RMDN1: variants seen among roughly 807,000 people sequenced by gnomAD.
The protein encoded by RMDN1 is regulator of microtubule dynamics 1.
Under a neutral mutation model 48.9 loss-of-function variants are expected in RMDN1, and 48 were observed. The ratio of observed to expected loss-of-function variants is 0.98; its 90% confidence interval spans 0.78 to 1.25. The LOEUF (loss-of-function observed/expected upper bound fraction) is 1.25. RMDN1 is among the 50% of genes most tolerant of loss of function. The probability of loss-of-function intolerance (pLI) is 0.00; values close to 1 mark genes in which losing one functional copy is unlikely to be tolerated. For synonymous variants in RMDN1, 148 were observed against 132.6 expected (o/e 1.12, Z -0.80); for missense variants, 418 against 373.4 (o/e 1.12, Z -0.98).
intron 5 of RMDN1, among the ~76,000 whole-genome samples, chr8:86,481,525 G>A (rs1205775930): frequency 1.3e-5 from 2 of 149,956 alleles, no homozygotes; most frequent in African/African-American, 4.9e-5. Context: ...TCATCACAAT[G>A]GATGCCTGGG....
In RMDN1 at chr8:86,480,170, A is replaced by G. The variant is rs142042493; in HGVS notation, c.641+107T>C. ...TTAGCACTCTAAGCTCTGTCAGATA[A>G]TATTTTAAAATATTTAATATCTTTT... On this transcript the variant is annotated intron_variant, in intron 6 of 9. Coordinates refer to ENST00000406452, the MANE Select transcript of RMDN1 (RefSeq NM_016033.3). The G allele has an allele frequency of 4.1e-4, 230 of 562,010 alleles. No individual in the cohort carries two copies. The East Asian group carries it at 7.4e-3, about 18-fold the overall frequency. 34.8% of individuals were successfully genotyped at this position (562,010 alleles called of 1,614,324 possible). A position where few individuals can be genotyped will look rare whatever the true frequency, so the allele number is the denominator to read the frequency against.
At chr8:86,510,469 C>T (rs376515878), upstream of RMDN1, among the ~76,000 whole-genome samples, 13 of 152,172 alleles carry the variant, frequency 8.5e-5, 1 homozygote, top group South Asian at 2.7e-3. Flanking sequence ...TCTTTCACGA[C>T]ATTAGTATTT....
rs764719202 is a variant in RMDN1, at chr8:86,478,906, A to G, written c.729+17T>C. ...GTTAAGAAATCCGTACTAACTTAAC[A>G]AAGGACATCATACTACCTTCTCATA... On this transcript the variant is annotated intron_variant, in intron 7 of 9. Transcript: ENST00000406452. 5 of 1,594,872 alleles carry G rather than the reference A, an allele frequency of 3.1e-6. No homozygotes were observed.
intron 5 of RMDN1, among the ~76,000 whole-genome samples, chr8:86,481,560 C>CTTT (rs71275857): frequency 1.3e-3 from 139 of 104,458 alleles, no homozygotes; most frequent in African/African-American, 4.7e-3. Flanking sequence ...ATTAATTTTC[C>CTTT]TTTTTTTTTT....
chr8:86,502,193 C>T (rs1818355804), intron 2 of RMDN1, among the ~76,000 whole-genome samples: 1 of 152,062 alleles, frequency 6.6e-6, no homozygotes, highest in Non-Finnish European at 1.5e-5. Flanking sequence ...CTCTAATATA[C>T]AGAAATTTTG....
intron 2 of RMDN1, among the ~76,000 whole-genome samples, chr8:86,499,444 T>TA: frequency 6.6e-6 from 1 of 151,950 alleles, no homozygotes. Flanking sequence ...GAGAGCCAAA[T>TA]AAAAAACGCA....
chr8:86,488,707 A>G, intron 2 of RMDN1, 68 bp from the exon 3 acceptor site: 1 of 1,033,230 alleles, frequency 9.7e-7, no homozygotes, highest in South Asian at 1.6e-5. Flanking sequence ...ACAATAATTC[A>G]AAGAAACTTA....
chr8:86,492,720 C>T (rs1816720229), intron 2 of RMDN1, among the ~76,000 whole-genome samples: 1 of 151,190 alleles, frequency 6.6e-6, no homozygotes, highest in African/African-American at 2.4e-5. Context: ...CACAGGAGTG[C>T]TTCAGTTCCT....
chr8:86,485,123 A>G (rs1247554459), intron 4 of RMDN1, among the ~76,000 whole-genome samples, 162 bp from the exon 5 acceptor site: 1 of 152,202 alleles, frequency 6.6e-6, no homozygotes, highest in Non-Finnish European at 1.5e-5. Context: ...AGAAGTGGAC[A>G]TGGCCCTCTA....
chr8:86,494,662 T>C (rs1246458421), intron 2 of RMDN1, among the ~76,000 whole-genome samples: 3 of 152,132 alleles, frequency 2.0e-5, no homozygotes. Flanking sequence ...GCAGGCCTCA[T>C]AGAGGCCTAG....
chr8:86,508,853 C>T, upstream of RMDN1: 2 of 1,218,524 alleles, frequency 1.6e-6, no homozygotes, highest in South Asian at 3.1e-5. Flanking sequence ...CGCCTGCGTC[C>T]AGGACTGAGG....
chr8:86,512,707 T>C (rs1820109412), upstream of RMDN1, among the ~76,000 whole-genome samples: 1 of 140,318 alleles, frequency 7.1e-6, no homozygotes. Flanking sequence ...TGCTCACAAG[T>C]CTAGAGCAAT....
downstream of RMDN1, chr8:86,472,297 C>T (rs1812674159): frequency 8.1e-6 from 5 of 620,506 alleles, no homozygotes; most frequent in Non-Finnish European, 1.4e-5. Flanking sequence ...CAAAATGATG[C>T]TACAGGTAGA....
In RMDN1 at chr8:86,484,966, AAATTT is replaced by A. The variant is rs369980954; in HGVS notation, c.496-10_496-6del. The A allele has an allele frequency of 2.4e-5, 37 of 1,533,078 alleles. No individual in the cohort carries two copies. The South Asian group carries it at 4.2e-4, about 17-fold the overall frequency. The allele number at this position is 1,533,078 out of a possible 1,614,324, so 95.0% of individuals were successfully genotyped here. ...ACTAAGGCAGATTGCATACCACTGA[AAATTT>A]AAAAAAGTGTAAGAACAATAATATT... On this transcript the variant is annotated splice_polypyrimidine_tract_variant and splice_region_variant and intron_variant, in intron 4 of 9. Transcript: ENST00000406452.
chr8:86,511,924 A>C (rs1820066448), upstream of RMDN1, among the ~76,000 whole-genome samples: 1 of 152,198 alleles, frequency 6.6e-6, no homozygotes, highest in South Asian at 2.1e-4. Context: ...AATACATAGG[A>C]GAAAGAATAT....
At chr8:86,505,418 C>G (rs1819156328) in intron 2 of RMDN1, 1 of 455,328 alleles carries the variant, frequency 2.2e-6, no homozygotes, top group Admixed American at 2.4e-5. Flanking sequence ...GCGCAGTTCC[C>G]CCAACCTCAG....
At chr8:86,484,282 A>C (rs879559747) in intron 5 of RMDN1, among the ~76,000 whole-genome samples, 3 of 151,874 alleles carry the variant, frequency 2.0e-5, no homozygotes, top group Non-Finnish European at 4.4e-5. Context: ...AGTGAGGAGA[A>C]ACTCTCATAG....
Position 86,479,014 on chromosome 8 carries a change from C to CA in RMDN1, c.642-5dup. The stretch of plus-strand genomic sequence containing the variant: ...CATTTCGGCAAATGTATAGCACCTA[C>CA]AGGGAAATAAAACAATTTTATACAT... On this transcript the variant is annotated splice_region_variant and splice_polypyrimidine_tract_variant and intron_variant, in intron 6 of 9. Transcript: ENST00000406452. 2 of 1,609,398 alleles carry CA rather than the reference C, an allele frequency of 1.2e-6. No individual in the cohort carries two copies. Among genetic ancestry groups the CA allele is most frequent in the Non-Finnish European group, 1.7e-6 (2 of 1,176,436 alleles).
chr8:86,504,943 G>A (rs1366962832), intron 2 of RMDN1: 14 of 1,283,864 alleles, frequency 1.1e-5, no homozygotes, highest in Non-Finnish European at 1.5e-5. Context: ...ACCCATGGCA[G>A]GGCTTTTGAG....
Sources: gnomAD v4.1 joint callset for allele counts (sites outside exome capture counted in the v4.1 genomes callset) on GRCh38, gnomAD v4.1.1 for gene constraint, MANE v1.5 for transcripts, NCBI Gene and HGNC (gene_info 2026-07-23, HGNC 2026-07-21) for gene names.